Variants in RFX4 observed in about 807,000 individuals in gnomAD.
The protein encoded by RFX4 is regulatory factor X4, also known as transcription factor RFX4.
Under a neutral mutation model 95.0 loss-of-function variants are expected in RFX4, and 10 were observed. That is an observed-to-expected ratio of 0.11 (90% CI 0.06 to 0.18). The LOEUF (loss-of-function observed/expected upper bound fraction) is 0.18. Ranked by LOEUF, RFX4 falls within the 10% of genes least tolerant of loss-of-function variation. The pLI is 1.00. For synonymous variants in RFX4, 321 were observed against 340.7 expected (o/e 0.94, Z 0.64); for missense variants, 640 against 922.0 (o/e 0.69, Z 3.96).
At chr12:106,589,864 G>GT (rs2039513086) in intron 1 of RFX4, among the ~76,000 whole-genome samples, 1 of 152,248 alleles carries the variant, frequency 6.6e-6, no homozygotes, top group Non-Finnish European at 1.5e-5. Context: ...ATGGGAGGCA[G>GT]TGTATCACAG....
chr12:106,665,142 T>C (rs1360853563), intron 4 of RFX4, among the ~76,000 whole-genome samples: 1 of 151,866 alleles, frequency 6.6e-6, no homozygotes, highest in Non-Finnish European at 1.5e-5. Flanking sequence ...TTCTATTAGT[T>C]TTGGCCTTAT....
At chr12:106,598,727 GA>G (rs148428738) in intron 1 of RFX4, among the ~76,000 whole-genome samples, 2,188 of 152,238 alleles carry the variant, frequency 0.014, 56 homozygotes, top group African/African-American at 0.05. Context: ...CAGAGCAGGA[GA>G]GGTAAAAATA....
intron 16 of RFX4, among the ~76,000 whole-genome samples, chr12:106,749,692 G>A (rs1336941317): frequency 2.6e-5 from 4 of 152,146 alleles, no homozygotes; most frequent in African/African-American, 9.7e-5. Context: ...GTCTACACAG[G>A]ACTTTCTGGT....
intron 2 of RFX4, among the ~76,000 whole-genome samples, chr12:106,637,423 AT>A (rs535763484): frequency 7.2e-5 from 11 of 152,206 alleles, no homozygotes; most frequent in Non-Finnish European, 1.3e-4. Flanking sequence ...TGACATTTTC[AT>A]TTTTTTATTT....
intron 2 of RFX4, among the ~76,000 whole-genome samples, chr12:106,632,470 C>T: frequency 6.6e-6 from 1 of 152,108 alleles, no homozygotes; most frequent in East Asian, 1.9e-4. Flanking sequence ...AGGACCAGTT[C>T]CTAAAGTCTC....
chr12:106,613,941 A>C (rs2040015466), intron 2 of RFX4, among the ~76,000 whole-genome samples: 1 of 152,210 alleles, frequency 6.6e-6, no homozygotes, highest in Non-Finnish European at 1.5e-5. Context: ...CTGCCGAAAC[A>C]GTTTTCTAAA....
chr12:106,739,561 T>C (rs2042770665), intron 15 of RFX4, among the ~76,000 whole-genome samples: 1 of 152,222 alleles, frequency 6.6e-6, no homozygotes, highest in Non-Finnish European at 1.5e-5. Flanking sequence ...CTACGTCTAG[T>C]TCCATGTCCA....
chr12:106,600,767 C>T (rs1393890812), intron 1 of RFX4, among the ~76,000 whole-genome samples: 1 of 152,140 alleles, frequency 6.6e-6, no homozygotes, highest in African/African-American at 2.4e-5. Flanking sequence ...ATGCTGGCCT[C>T]CTGGCTCCTC....
chr12:106,725,760 G>T (rs889222087), intron 13 of RFX4, among the ~76,000 whole-genome samples: 3 of 152,068 alleles, frequency 2.0e-5, no homozygotes, highest in Non-Finnish European at 4.4e-5. Context: ...ATAGAAAATG[G>T]ATGGTAAATG....
Position 106,586,982 on chromosome 12 carries a change from C to G in RFX4, c.43+3619C>G. On this transcript the variant is annotated intron_variant, in intron 1 of 17. Transcript: ENST00000392842. This position sits in a 1 kb window ranked among gnomAD's most constrained non-coding sequence, Gnocchi z 5.6. ...CGCCCTCCCCGGGCGTGTGTGTGTG[C>G]GCGCGCGCGGGCGAACGGGGCATGT... Among the ~76,000 whole-genome samples the G allele has an allele frequency of 6.6e-6, 1 of 152,174 alleles. No individual in the cohort carries two copies.
Position 106,608,843 on chromosome 12 carries a change from T to C in RFX4, c.90T>C (p.Tyr30=). 1.2e-6 allele frequency: 2 copies of C among 1,613,172 alleles called. No homozygotes were observed. Among genetic ancestry groups the C allele is most frequent in the South Asian group, 1.1e-5 (1 of 90,758 alleles). The part of the protein sequence containing the change: ...RCLNESENKR[Y]SSHTSLGNVS... ...TCAACGAAAGTGAAAACAAACGTTATTCCAGCCACACATCTCTGGGGAATG... is the reference window on the plus strand; with the variant it reads ...TCAACGAAAGTGAAAACAAACGTTACTCCAGCCACACATCTCTGGGGAATG... The change falls in exon 2 of 18, where the codon TAT becomes TAC. Residue 30 remains tyrosine (Y), a synonymous_variant. Coordinates refer to ENST00000392842, the MANE Select transcript of RFX4 (RefSeq NM_213594.3).
At position 106,601,135 on chromosome 12, in the gene RFX4, G is replaced by T. The variant is rs1565945319; in HGVS notation, c.44-7662G>T. 4.9e-6 allele frequency: 7 copies of T among 1,439,128 alleles called. No individual in the cohort carries two copies. The East Asian group carries it at 1.8e-4, about 37-fold the overall frequency. 89.1% of individuals were successfully genotyped at this position (1,439,128 alleles called of 1,614,324 possible). The stretch of plus-strand genomic sequence containing the variant: ...AGCAGCCCCTGGGGCAGGACCTGTG[G>T]CGTTGCCATGGCAACCCACTGACCT... On this transcript the variant is annotated intron_variant, in intron 1 of 17. Transcript: ENST00000392842.
intron 2 of RFX4, among the ~76,000 whole-genome samples, chr12:106,618,299 T>G (rs1592856199): frequency 6.6e-6 from 1 of 152,108 alleles, no homozygotes; most frequent in East Asian, 1.9e-4. Flanking sequence ...TTCCATATCC[T>G]TACTGTTTTA....
chr12:106,590,674 T>G (rs1274254202), intron 1 of RFX4, among the ~76,000 whole-genome samples: 1 of 152,206 alleles, frequency 6.6e-6, no homozygotes, highest in African/African-American at 2.4e-5. Context: ...GGCCAGGTGC[T>G]GTGGCTTATG....
intron 5 of RFX4, 125 bp downstream of exon 5, chr12:106,682,179 A>C: frequency 1.0e-6 from 1 of 956,776 alleles, no homozygotes; most frequent in South Asian, 1.5e-5. Context: ...CCTAGAGGGA[A>C]TATGGAAGAG....
At chr12:106,744,354 G>C (rs1374422906) in intron 15 of RFX4, among the ~76,000 whole-genome samples, 2 of 152,200 alleles carry the variant, frequency 1.3e-5, no homozygotes, top group Non-Finnish European at 2.9e-5. Flanking sequence ...AACATGTTTA[G>C]AAATTTGCCG....
At chr12:106,665,470 A>C (rs1225192265) in intron 4 of RFX4, among the ~76,000 whole-genome samples, 1 of 151,918 alleles carries the variant, frequency 6.6e-6, no homozygotes. Context: ...TGATGCATTT[A>C]GACCATGATC....
At chr12:106,644,229 C>T (rs1435737095) in intron 3 of RFX4, among the ~76,000 whole-genome samples, 1 of 149,086 alleles carries the variant, frequency 6.7e-6, no homozygotes, top group African/African-American at 2.5e-5. Context: ...TGCCATTTCC[C>T]CTTTTTTTTT....
At chr12:106,680,355 T>A (rs918844915) in intron 4 of RFX4, among the ~76,000 whole-genome samples, 4 of 152,118 alleles carry the variant, frequency 2.6e-5, no homozygotes, top group African/African-American at 7.2e-5. Flanking sequence ...TTAGTTGAGA[T>A]CACCAACACC....
Sources: allele counts gnomAD v4.1 joint callset (sites outside exome capture counted in the v4.1 genomes callset), GRCh38; gene constraint gnomAD v4.1.1; non-coding constraint Gnocchi (gnomAD v3.1); transcripts MANE v1.5; gene names NCBI Gene and HGNC (gene_info 2026-07-23, HGNC 2026-07-21).